Variants in WDR17 observed in about 807,000 individuals in gnomAD.
The protein encoded by WDR17 is WD repeat domain 17, also known as WD repeat-containing protein 17.
In WDR17, 143 loss-of-function variants were observed where a neutral mutation model predicts 161.7. The ratio of observed to expected loss-of-function variants is 0.88; its 90% CI spans 0.77 to 1.02. The LOEUF (loss-of-function observed/expected upper bound fraction) is 1.02, where lower values mean the gene tolerates loss of function less well. WDR17 is among the 50% of genes least tolerant of loss of function. WDR17 has a pLI of 0.00. For missense variants in WDR17, 1,469 were observed against 1,520.9 expected, an observed-to-expected ratio of 0.97 and a Z score of 0.57; for synonymous variants, 517 against 515.6, an observed-to-expected ratio of 1.00 and a Z score of -0.04.
At position 176,096,650 on chromosome 4, in the gene WDR17, G is replaced by C; in HGVS notation, c.-6-14925G>C. 3 of 1,299,068 alleles carry C rather than the reference G, an allele frequency of 2.3e-6. No homozygotes were observed. In the East Asian group the frequency reaches 7.6e-5, roughly 33 times the overall value. 80.5% of individuals were successfully genotyped at this position (1,299,068 alleles called of 1,614,324 possible). A position where few individuals can be genotyped will look rare whatever the true frequency, so the allele number is the denominator to read the frequency against. Reference sequence around the variant, plus strand: ...TTTTTTCTGCTTTGCTTCTCATATAGTTTTATATCTGTGTCATTTATATCG... The same window carrying C: ...TTTTTTCTGCTTTGCTTCTCATATACTTTTATATCTGTGTCATTTATATCG... On this transcript the variant is annotated intron_variant, in intron 1 of 28. Coordinates refer to ENST00000508596, the MANE Select transcript of WDR17 (RefSeq NM_181265.4).
At chr4:176,167,658 A>ACAAC (rs150497533) in intron 22 of WDR17, among the ~76,000 whole-genome samples, 7 of 69,622 alleles carry the variant, frequency 1.0e-4, no homozygotes, top group African/African-American at 3.1e-4. Context: ...AAAAAAAAAA[A>ACAAC]AAAAAAAAAA....
At chr4:176,146,543 G>A (rs1303046218) in intron 12 of WDR17, among the ~76,000 whole-genome samples, 1 of 152,120 alleles carries the variant, frequency 6.6e-6, no homozygotes, top group African/African-American at 2.4e-5. Context: ...CAGATGCTGC[G>A]CTGCAGCCTG....
chr4:176,067,436 T>TA (rs1732677497), intron 1 of WDR17, among the ~76,000 whole-genome samples: 1 of 152,208 alleles, frequency 6.6e-6, no homozygotes, highest in Non-Finnish European at 1.5e-5. Context: ...TCTGCAAACG[T>TA]AATTATGTAA....
chr4:176,141,834 ATACAG>A (rs1745318976), intron 10 of WDR17, 144 bp from the exon 11 acceptor site: 1 of 591,056 alleles, frequency 1.7e-6, no homozygotes, highest in South Asian at 3.0e-5. Context: ...GGTAACATTT[ATACAG>A]TACTTTCAAA....
chr4:176,114,779 C>T (rs1740329396), intron 2 of WDR17, among the ~76,000 whole-genome samples: 2 of 151,612 alleles, frequency 1.3e-5, no homozygotes, highest in Admixed American at 1.3e-4. Context: ...ATAGCATGGT[C>T]CGAAAACATC....
intron 26 of WDR17, among the ~76,000 whole-genome samples, chr4:176,176,426 T>C: frequency 6.6e-6 from 1 of 152,112 alleles, no homozygotes; most frequent in East Asian, 1.9e-4. Flanking sequence ...TCTGCTTCCC[T>C]TTTTCCTCCT....
chr4:176,096,402 C>G (rs1349383819), intron 1 of WDR17: 1 of 698,666 alleles, frequency 1.4e-6, no homozygotes, highest in African/African-American at 1.8e-5. Flanking sequence ...TACTGAACAT[C>G]ATTTCACAAG....
chr4:176,136,471 CAGA>C (rs1474900426), intron 8 of WDR17, among the ~76,000 whole-genome samples: 2 of 151,654 alleles, frequency 1.3e-5, no homozygotes, highest in Non-Finnish European at 3.0e-5. Context: ...AATCATAACA[CAGA>C]AGATCTAATC....
At chr4:176,122,709 C>T (rs1456422109) in intron 4 of WDR17, among the ~76,000 whole-genome samples, 1 of 152,204 alleles carries the variant, frequency 6.6e-6, no homozygotes, top group Non-Finnish European at 1.5e-5. Context: ...TACGTTACAA[C>T]ATAGGATTTC....
intron 22 of WDR17, among the ~76,000 whole-genome samples, chr4:176,164,048 C>G (rs73005153): frequency 1.3e-5 from 2 of 152,224 alleles, no homozygotes; most frequent in African/African-American, 4.8e-5. Context: ...CACACACCAC[C>G]CTGGAGGTGG....
rs1740547278 is a variant in WDR17 at position 176,115,922 on chromosome 4, G to A, written c.250G>A (p.Val84Met). 14 of 1,610,300 alleles carry A rather than the reference G, an allele frequency of 8.7e-6. No homozygotes were observed. The highest frequency in any genetic ancestry group is 1.2e-5 in the Non-Finnish European group (14 of 1,178,068). Residue 84 changes from valine to methionine, a missense_variant, in exon 3 of 29, where the codon GTG (valine) becomes ATG (methionine). Val to Met is a conservative substitution (Grantham distance 21, BLOSUM62 1). Coordinates refer to ENST00000508596, the MANE Select transcript of WDR17 (RefSeq NM_181265.4). ...LFASGSTDNL[V>M]IIWNVAEQKV... ...TGCAAGTGGCAGTACTGATAATTTA[G>A]TGATCATTTGGAATGTTGCAGAACA...
At chr4:176,145,718 T>C (rs1746049162) in intron 11 of WDR17, among the ~76,000 whole-genome samples, 1 of 152,132 alleles carries the variant, frequency 6.6e-6, no homozygotes, top group Non-Finnish European at 1.5e-5. Flanking sequence ...AAAGAACTTA[T>C]AGAAATAGAA....
At chr4:176,144,100 T>C (rs1745761644) in intron 11 of WDR17, among the ~76,000 whole-genome samples, 1 of 152,020 alleles carries the variant, frequency 6.6e-6, no homozygotes, top group Non-Finnish European at 1.5e-5. Flanking sequence ...AAGGTTCACT[T>C]ATACTGGCCC....
chr4:176,116,559 A>G (rs1402453935), intron 3 of WDR17, among the ~76,000 whole-genome samples: 1 of 151,880 alleles, frequency 6.6e-6, no homozygotes, highest in Non-Finnish European at 1.5e-5. Context: ...TTCTGTGTTC[A>G]GTGTCACAAT....
intron 10 of WDR17, among the ~76,000 whole-genome samples, chr4:176,141,464 C>T (rs1745243501): frequency 6.6e-6 from 1 of 152,148 alleles, no homozygotes; most frequent in Non-Finnish European, 1.5e-5. Context: ...TGTTGTTTTT[C>T]CATCGCTCAG....
chr4:176,079,885 G>A (rs1296548715), intron 1 of WDR17, among the ~76,000 whole-genome samples: 1 of 151,812 alleles, frequency 6.6e-6, no homozygotes, highest in Non-Finnish European at 1.5e-5. Flanking sequence ...GCTTGTTGAG[G>A]TCTCTTCCTA....
chr4:176,163,130 G>A, intron 21 of WDR17, 24 bp from the exon 22 acceptor site: 2 of 1,613,938 alleles, frequency 1.2e-6, no homozygotes, highest in Non-Finnish European at 1.7e-6. Flanking sequence ...TGCAACTGAA[G>A]AAATTATTTT....
intron 18 of WDR17, among the ~76,000 whole-genome samples, 179 bp downstream of exon 18, chr4:176,156,322 T>C (rs1252703165): frequency 6.6e-6 from 1 of 152,190 alleles, no homozygotes; most frequent in African/African-American, 2.4e-5. Flanking sequence ...GTAATTTTGG[T>C]GTTCTTGGAT....
At chr4:176,105,755 A>G (rs1283217128) in intron 1 of WDR17, among the ~76,000 whole-genome samples, 1 of 152,198 alleles carries the variant, frequency 6.6e-6, no homozygotes, top group Non-Finnish European at 1.5e-5. Flanking sequence ...TGCTTTCATT[A>G]AAGCATTTAT....
Sources: allele counts gnomAD v4.1 joint callset (sites outside exome capture counted in the v4.1 genomes callset), GRCh38; gene constraint gnomAD v4.1.1; transcripts MANE v1.5; gene names NCBI Gene and HGNC (gene_info 2026-07-23, HGNC 2026-07-21).